The following NLK variants were observed in gnomAD, a reference collection of about 807,000 sequenced individuals.
The protein encoded by NLK is nemo like kinase.
In NLK, 11 loss-of-function variants were observed where a neutral mutation model predicts 59.0. The ratio of observed to expected loss-of-function variants is 0.19; its 90% CI spans 0.12 to 0.31. The LOEUF (loss-of-function observed/expected upper bound fraction) is 0.31. NLK is among the 10% of genes least tolerant of loss of function. NLK has a pLI of 1.00. For missense variants in NLK, 410 were observed against 661.1 expected (o/e 0.62, Z 4.16); for synonymous variants, 235 against 235.9 (o/e 1.00, Z 0.03).
At chr17:28,144,531 T>C (rs970166632) in intron 3 of NLK, among the ~76,000 whole-genome samples, 3 of 152,132 alleles carry the variant, frequency 2.0e-5, no homozygotes, top group Non-Finnish European at 4.4e-5. Flanking sequence ...GAGGGTAATA[T>C]TGAATAATAA....
downstream of NLK, among the ~76,000 whole-genome samples, chr17:28,196,984 G>C (rs151144725): frequency 5.2e-3 from 791 of 152,144 alleles, 13 homozygotes; most frequent in African/African-American, 0.018. Flanking sequence ...TCCTGACATT[G>C]AGGCAGTTGA....
At chr17:28,131,771 G>A (rs1906527397) in intron 2 of NLK, among the ~76,000 whole-genome samples, 1 of 152,100 alleles carries the variant, frequency 6.6e-6, no homozygotes, top group South Asian at 2.1e-4. Flanking sequence ...GAAGTTACAC[G>A]GGTACTATGC....
chr17:28,066,246 G>A (rs140321073), intron 1 of NLK, among the ~76,000 whole-genome samples: 221 of 151,888 alleles, frequency 1.5e-3, no homozygotes, highest in African/African-American at 5.0e-3. Context: ...CTTTCCCTTC[G>A]CAGCCAAGGT....
At chr17:28,064,431 T>C (rs1161321030) in intron 1 of NLK, among the ~76,000 whole-genome samples, 3 of 152,162 alleles carry the variant, frequency 2.0e-5, no homozygotes, top group Non-Finnish European at 4.4e-5. Flanking sequence ...TATATAGGCT[T>C]GAGCCACTGC....
intron 1 of NLK, among the ~76,000 whole-genome samples, chr17:28,097,864 G>A (rs919879172): frequency 6.6e-6 from 1 of 152,042 alleles, no homozygotes; most frequent in African/African-American, 2.4e-5. Context: ...TCCATTTTAC[G>A]TTACAGTGTG....
At chr17:28,120,619 A>G (rs1906003200) in intron 1 of NLK, among the ~76,000 whole-genome samples, 1 of 152,134 alleles carries the variant, frequency 6.6e-6, no homozygotes, top group Non-Finnish European at 1.5e-5. Flanking sequence ...GTCTCTAAAG[A>G]ATAATAATAA....
rs747211468 is a variant in NLK, at chr17:28,111,896, G to GGTGTGTGTGT, written c.459-10666_459-10657dup. On this transcript the variant is annotated intron_variant, in intron 1 of 10. Transcript: ENST00000407008. ...TGTGTGTGTGTGTGTGTGTGTGTGT[G>GGTGTGTGTGT]GTGTGTGTGTGTGTGTGTGTGTGTG... Among the ~76,000 whole-genome samples the GGTGTGTGTGT allele has an allele frequency of 3.7e-3, 251 of 67,526 alleles. 4 individuals carry two copies. Among genetic ancestry groups the GGTGTGTGTGT allele is most frequent in the Non-Finnish European group, 5.0e-3 (182 of 36,750 alleles). 44.3% of individuals were successfully genotyped at this position (67,526 alleles called of 152,430 possible). A position where few individuals can be genotyped will look rare whatever the true frequency, so the allele number is the denominator to read the frequency against.
chr17:28,202,356 A>G, the NLK span, among the ~76,000 whole-genome samples: 1 of 152,052 alleles, frequency 6.6e-6, no homozygotes, highest in Admixed American at 6.6e-5. Flanking sequence ...TGATCACACC[A>G]CTGTACTCCT....
chr17:28,166,829 A>ACC (rs1426338615), intron 5 of NLK, among the ~76,000 whole-genome samples: 1 of 152,230 alleles, frequency 6.6e-6, no homozygotes, highest in Non-Finnish European at 1.5e-5. Context: ...ATAGAAGTTA[A>ACC]CCTGTCTTTA....
chr17:28,073,765 C>A (rs1910083922), intron 1 of NLK, among the ~76,000 whole-genome samples: 1 of 152,136 alleles, frequency 6.6e-6, no homozygotes. Flanking sequence ...TCAACTCCTA[C>A]CCCTATATAT....
intron 3 of NLK, among the ~76,000 whole-genome samples, chr17:28,137,767 A>T (rs1354797252): frequency 1.3e-5 from 2 of 152,120 alleles, no homozygotes; most frequent in African/African-American, 4.8e-5. Flanking sequence ...AACAAAAAAA[A>T]AGTCAATATC....
chr17:28,130,662 A>G (rs770584381), intron 2 of NLK, among the ~76,000 whole-genome samples: 1 of 152,188 alleles, frequency 6.6e-6, no homozygotes, highest in Non-Finnish European at 1.5e-5. Context: ...ATAGCTTTGT[A>G]TAATGGACGC....
At chr17:28,081,309 C>T (rs1390406112) in intron 1 of NLK, among the ~76,000 whole-genome samples, 9 of 151,856 alleles carry the variant, frequency 5.9e-5, no homozygotes. Context: ...CTCAAGTCTC[C>T]TGAGTAACTG....
intron 1 of NLK, among the ~76,000 whole-genome samples, chr17:28,052,881 C>T (rs1909307396): frequency 6.8e-6 from 1 of 147,332 alleles, no homozygotes; most frequent in Non-Finnish European, 1.5e-5. Flanking sequence ...GCATATTGAT[C>T]TCTGGTGTTT....
At chr17:28,116,640 C>T (rs1000572465) in intron 1 of NLK, among the ~76,000 whole-genome samples, 7 of 152,102 alleles carry the variant, frequency 4.6e-5, no homozygotes, top group Non-Finnish European at 7.4e-5. Flanking sequence ...AGATTTTTGA[C>T]GTCTGCAAAG....
intron 3 of NLK, among the ~76,000 whole-genome samples, chr17:28,147,004 C>T (rs931996626): frequency 6.6e-6 from 1 of 152,174 alleles, no homozygotes. Context: ...TGTTTTCAGT[C>T]AGGCTTCTTT....
chr17:28,100,779 A>G (rs2142790218), intron 1 of NLK, among the ~76,000 whole-genome samples: 1 of 152,290 alleles, frequency 6.6e-6, no homozygotes, highest in East Asian at 1.9e-4. Context: ...ATCTTTACCT[A>G]ACCCAAAGTC....
intron 1 of NLK, among the ~76,000 whole-genome samples, chr17:28,066,446 T>C (rs1909827731): frequency 6.6e-6 from 1 of 152,246 alleles, no homozygotes; most frequent in Non-Finnish European, 1.5e-5. Flanking sequence ...TTACGATTTA[T>C]GTTGCATGTA....
chr17:28,077,957 A>G (rs181641133), intron 1 of NLK, among the ~76,000 whole-genome samples: 4 of 152,296 alleles, frequency 2.6e-5, no homozygotes, highest in East Asian at 1.9e-4. Context: ...TTATAGTTAT[A>G]GGAAAATATG....
Sources: allele counts gnomAD v4.1 joint callset (sites outside exome capture counted in the v4.1 genomes callset), GRCh38; gene constraint gnomAD v4.1.1; transcripts MANE v1.5; gene names NCBI Gene and HGNC (gene_info 2026-07-23, HGNC 2026-07-21).